The following ACTR1A variants were observed in gnomAD, a reference collection of about 807,000 sequenced individuals.
ACTR1A encodes actin related protein 1A, also known as alpha-centractin.
ACTR1A carries 10 observed loss-of-function variants against 50.7 expected under a neutral mutation model. That is an observed-to-expected ratio of 0.20 (90% CI 0.12 to 0.33). The LOEUF is 0.33. Ranked by LOEUF, ACTR1A falls within the 10% of genes least tolerant of loss-of-function variation. The pLI, the probability that ACTR1A is intolerant of heterozygous loss-of-function variation, is 1.00. For missense variants in ACTR1A, 253 were observed against 491.7 expected, an observed-to-expected ratio of 0.51 and a Z score of 4.59; for synonymous variants, 177 against 184.2, an observed-to-expected ratio of 0.96 and a Z score of 0.32.
rs2062180144 is a variant in ACTR1A at position 102,488,802 on chromosome 10, A to G, written c.189+261T>C. Among the ~76,000 whole-genome samples the G allele has an allele frequency of 6.6e-6, 1 of 152,248 alleles. No homozygotes were observed. On this transcript the variant is annotated intron_variant, in intron 3 of 10. Coordinates refer to ENST00000369905, the MANE Select transcript of ACTR1A (RefSeq NM_005736.4). This position sits in a 1 kb window ranked among gnomAD's most constrained non-coding sequence, Gnocchi z 4.4. Reference sequence around the variant, plus strand: ...CACTGACAAGGCAGTGACAGGATGCAGAAGACAACAGCCCTGTTTCCTAGA... The same window carrying G: ...CACTGACAAGGCAGTGACAGGATGCGGAAGACAACAGCCCTGTTTCCTAGA...
intron 3 of ACTR1A, 60 bp downstream of exon 3, chr10:102,489,003 G>T (rs2062180762): frequency 1.5e-6 from 2 of 1,298,314 alleles, no homozygotes; most frequent in Non-Finnish European, 2.1e-6. Context: ...CATGTTCCAT[G>T]TGGTGAATAA....
At chr10:102,498,262 A>G (rs1468790747) in intron 1 of ACTR1A, among the ~76,000 whole-genome samples, 2 of 152,026 alleles carry the variant, frequency 1.3e-5, no homozygotes, top group Non-Finnish European at 2.9e-5. Context: ...GACACATGCT[A>G]CCTGGGTGCT....
chr10:102,485,064 T>C (rs1436322125), intron 5 of ACTR1A, among the ~76,000 whole-genome samples: 2 of 152,248 alleles, frequency 1.3e-5, no homozygotes, highest in African/African-American at 4.8e-5. Flanking sequence ...CACCTCTTGA[T>C]TTTTAAATGC....
chr10:102,482,041 G>T lies in ACTR1A; in HGVS notation c.885C>A (p.Phe295Leu). 1 of 1,614,234 alleles carries T rather than the reference G, an allele frequency of 6.2e-7. No homozygotes were observed. Residue 295 changes from phenylalanine (F) to leucine (L), a missense_variant, in exon 8 of 11, where the codon TTC becomes TTA. Phe to Leu is a conservative substitution (Grantham distance 22). This residue lies in a region of ACTR1A where 27 missense variants were observed against 80.7 expected (regional missense o/e 0.33). Coordinates refer to ENST00000369905, the MANE Select transcript of ACTR1A (RefSeq NM_005736.4). The surrounding 1 kb of genome is among the most constrained non-coding windows in gnomAD (Gnocchi z 5.6). ...KSDMDLRRTL[F>L]SNIVLSGGST... ...AGCCTCCTGAGAGGACAATGTTAGA[G>T]AAAAGCGTGCGCCGCAGGTCCATGT... is the stretch of plus-strand genomic sequence containing the variant.
chr10:102,485,464 G>T (rs2135581411), intron 5 of ACTR1A, 145 bp downstream of exon 5: 1 of 1,124,112 alleles, frequency 8.9e-7, no homozygotes, highest in Non-Finnish European at 1.2e-6. Flanking sequence ...TTCAGCAAAA[G>T]CCTCTCTCTC....
intron 5 of ACTR1A, among the ~76,000 whole-genome samples, 185 bp downstream of exon 5, chr10:102,485,424 G>C (rs753242986): frequency 6.6e-6 from 1 of 152,204 alleles, no homozygotes; most frequent in Non-Finnish European, 1.5e-5. Context: ...GTCCTTCTTT[G>C]CTTTCAACTA....
intron 9 of ACTR1A, 94 bp from the exon 10 acceptor site, chr10:102,481,266 AT>A: frequency 1.5e-6 from 2 of 1,362,432 alleles, no homozygotes; most frequent in Admixed American, 2.3e-5. Context: ...CAGGGGATAC[AT>A]TTTACACAAG....
intron 1 of ACTR1A, among the ~76,000 whole-genome samples, chr10:102,496,712 T>C (rs1224484152): frequency 6.6e-6 from 1 of 152,212 alleles, no homozygotes; most frequent in African/African-American, 2.4e-5. Context: ...CTAGTGTCCC[T>C]AAAAACTTAA....
At chr10:102,494,200 C>T in intron 1 of ACTR1A, among the ~76,000 whole-genome samples, 1 of 152,246 alleles carries the variant, frequency 6.6e-6, no homozygotes, top group Non-Finnish European at 1.5e-5. Context: ...GTAGAGGCTT[C>T]TTGAGTAGTC....
Position 102,479,800 on chromosome 10 carries a change from C to A in ACTR1A, c.*1063G>T. 1 of 690,464 alleles carries A rather than the reference C, an allele frequency of 1.4e-6. No individual in the cohort carries two copies. The highest frequency in any genetic ancestry group is 2.0e-6 in the Non-Finnish European group (1 of 488,852). 42.8% of individuals were successfully genotyped at this position (690,464 alleles called of 1,614,324 possible). ...CCCCTCCCTTGCTTAGGGGCCTCTG[C>A]CAAAGAAAAATTTTACCTCCTGTTT... On this transcript the variant is annotated 3_prime_UTR_variant, in exon 11 of 11. Transcript: ENST00000369905. This position sits in a 1 kb window ranked among gnomAD's most constrained non-coding sequence, Gnocchi z 4.0.
chr10:102,502,547 C>T, intron 1 of ACTR1A, 53 bp downstream of exon 1: 1 of 1,601,364 alleles, frequency 6.2e-7, no homozygotes, highest in East Asian at 2.2e-5. Flanking sequence ...GGAAGCGATC[C>T]TTTCGAGGAG....
chr10:102,499,095 G>A (rs956606069), intron 1 of ACTR1A, among the ~76,000 whole-genome samples: 2 of 152,048 alleles, frequency 1.3e-5, no homozygotes, highest in African/African-American at 4.8e-5. Flanking sequence ...GGGAAAGGCT[G>A]TGAACTTAAT....
At chr10:102,483,953 C>A (rs1018443699) in intron 6 of ACTR1A, 30 of 582,688 alleles carry the variant, frequency 5.1e-5, no homozygotes, top group South Asian at 1.8e-4. Flanking sequence ...GAAATGGAAG[C>A]AGCTCCCTTT....
At chr10:102,489,016 A>G in intron 3 of ACTR1A, 47 bp downstream of exon 3, 1 of 1,401,360 alleles carries the variant, frequency 7.1e-7, no homozygotes, top group East Asian at 2.7e-5. Flanking sequence ...GTGAATAATG[A>G]AGGTCCTCTG....
chr10:102,495,630 G>C (rs553962277), intron 1 of ACTR1A, among the ~76,000 whole-genome samples: 1 of 151,826 alleles, frequency 6.6e-6, no homozygotes, highest in Non-Finnish European at 1.5e-5. Flanking sequence ...TCGGGAGGCT[G>C]AGGCAGGAGA....
intron 6 of ACTR1A, 143 bp downstream of exon 6, chr10:102,484,017 G>A: frequency 1.4e-6 from 1 of 692,768 alleles, no homozygotes; most frequent in South Asian, 1.8e-5. Flanking sequence ...TGTGACGTAG[G>A]GGAGACCTGG....
intron 9 of ACTR1A, 146 bp from the exon 10 acceptor site, chr10:102,481,318 T>C: frequency 1.2e-6 from 1 of 836,156 alleles, no homozygotes; most frequent in Non-Finnish European, 1.8e-6. Flanking sequence ...GTGGCCAGCC[T>C]GCCACTCATC....
At chr10:102,490,232 CAA>C (rs145472595) in intron 2 of ACTR1A, among the ~76,000 whole-genome samples, 10 of 45,716 alleles carry the variant, frequency 2.2e-4, no homozygotes, top group Middle Eastern at 0.022. Context: ...GACTCCGTCT[CAA>C]AAAAAAAAAA....
intron 1 of ACTR1A, among the ~76,000 whole-genome samples, chr10:102,495,403 A>G (rs1416530362): frequency 6.6e-6 from 1 of 152,040 alleles, no homozygotes; most frequent in Non-Finnish European, 1.5e-5. Flanking sequence ...CCCCGTCTTC[A>G]CTAAAAGTAC....
Sources: allele counts gnomAD v4.1 joint callset (sites outside exome capture counted in the v4.1 genomes callset), GRCh38; gene constraint gnomAD v4.1.1; regional missense constraint gnomAD v4.1.1; non-coding constraint Gnocchi (gnomAD v3.1); transcripts MANE v1.5; gene names NCBI Gene and HGNC (gene_info 2026-07-23, HGNC 2026-07-21).